UGT2B28: variants seen among roughly 807,000 people sequenced by gnomAD.
The protein encoded by UGT2B28 is UDP glucuronosyltransferase family 2 member B28.
UGT2B28 carries 45 observed loss-of-function variants against 43.6 expected under a neutral mutation model. That is an observed-to-expected ratio of 1.03 (90% confidence interval 0.81 to 1.32). The LOEUF is 1.32. UGT2B28 is among the 40% of genes most tolerant of loss of function. The pLI is 0.00. For synonymous variants in UGT2B28, 204 were observed against 208.1 expected, an observed-to-expected ratio of 0.98 and a Z score of 0.17; for missense variants, 649 against 625.5, an observed-to-expected ratio of 1.04 and a Z score of -0.40.
At chr4:69,283,429 A>G (rs1723679896) in intron 2 of UGT2B28, among the ~76,000 whole-genome samples, 2 of 140,414 alleles carry the variant, frequency 1.4e-5, no homozygotes, top group Non-Finnish European at 1.5e-5. Flanking sequence ...TTTTTTAAGA[A>G]GAGCCTCCAA....
chr4:69,294,833 A>G lies in UGT2B28; in HGVS notation c.*24A>G. On this transcript the variant is annotated 3_prime_UTR_variant, in exon 6 of 6. Coordinates refer to ENST00000335568, the MANE Select transcript of UGT2B28 (RefSeq NM_053039.2). ...AGTTATGTCTGACATTTGAAGCTGG[A>G]AAACCAGATAGATGGGTTGACATCA... The G allele has an allele frequency of 1.3e-6, 2 of 1,529,406 alleles. No homozygotes were observed. The highest frequency in any genetic ancestry group is 1.8e-6 in the Non-Finnish European group (2 of 1,141,454). The allele number at this position is 1,529,406 out of a possible 1,614,324, so 94.7% of individuals were successfully genotyped here.
intron 2 of UGT2B28, among the ~76,000 whole-genome samples, chr4:69,285,416 A>G (rs1723743215): frequency 7.2e-6 from 1 of 139,656 alleles, no homozygotes; most frequent in Non-Finnish European, 1.5e-5. Flanking sequence ...CAGAGGTTAG[A>G]TTCCTTCAAC....
chr4:69,294,790 A>T lies in UGT2B28; in HGVS notation c.1571A>T (p.Lys524Met), dbSNP rs1724057084. Residue 524 changes from lysine (K) to methionine (M), a missense_variant, in exon 6 of 6, where the codon AAG becomes ATG. Physicochemically the swap from Lys to Met is moderately conservative, Grantham distance 95 (BLOSUM62 -1). Transcript: ENST00000335568. ...FCFWKFARKG[K>M]KGKRD The stretch of plus-strand genomic sequence containing the variant: ...TTCTGGAAGTTTGCTAGAAAAGGGA[A>T]GAAGGGAAAAAGAGATTAGTTATGT... 1 of 1,557,906 alleles carries T rather than the reference A, an allele frequency of 6.4e-7. No individual in the cohort carries two copies. The highest frequency in any genetic ancestry group is 1.5e-5 in the African/African-American group (1 of 66,270).
In UGT2B28 at chr4:69,280,806, AG is replaced by A. The variant is rs1334415444; in HGVS notation, c.307del (p.Asp103IlefsTer28). ...QVKRWSDIQK[D>X]SFWLYFSQEQ... is the part of the protein sequence containing the mutation. The stretch of plus-strand genomic sequence containing the variant: ...TTAAGAGATGGTCAGACATTCAAAA[AG>A]ATAGCTTTTGGTTATATTTTTCACA... On this transcript the variant is annotated frameshift_variant, in exon 1 of 6. Coordinates refer to ENST00000335568, the MANE Select transcript of UGT2B28 (RefSeq NM_053039.2). LOFTEE classifies it high-confidence loss of function. The A allele has an allele frequency of 6.4e-7, 1 of 1,568,068 alleles. No individual in the cohort carries two copies. Among genetic ancestry groups the A allele is most frequent in the African/African-American group, 1.5e-5 (1 of 67,190 alleles).
At chr4:69,281,619 A>G (rs1421365144) in intron 1 of UGT2B28, among the ~76,000 whole-genome samples, 1 of 140,940 alleles carries the variant, frequency 7.1e-6, no homozygotes, top group Admixed American at 7.1e-5. Flanking sequence ...TAACTGCAGA[A>G]AGTTTTCCTT....
At chr4:69,293,214 G>T (rs10008843) in intron 5 of UGT2B28, among the ~76,000 whole-genome samples, 101,987 of 137,854 alleles carry the variant, frequency 0.74, 42,010 homozygotes, top group Non-Finnish European at 0.79. Context: ...CTAATGTTGT[G>T]ATTCGAAGTC....
Position 69,294,591 on chromosome 4 carries a change from C to T in UGT2B28, c.1372C>T (p.His458Tyr). 1 of 1,554,830 alleles carries T rather than the reference C, an allele frequency of 6.4e-7. No individual in the cohort carries two copies. Among genetic ancestry groups the T allele is most frequent in the East Asian group, 2.3e-5 (1 of 43,446 alleles). ...IQHDQPVKPL[H>Y]RAVFWIEFVM... ...ACATGATCAACCAGTAAAGCCCCTG[C>T]ATCGAGCAGTCTTCTGGATTGAATT... The change falls in exon 6 of 6, where the codon CAT becomes TAT. Residue 458 changes from histidine to tyrosine, a missense_variant. His to Tyr is a moderately conservative substitution (Grantham distance 83, BLOSUM62 2). Transcript: ENST00000335568.
rs1723726266 is a variant in UGT2B28 at position 69,284,930 on chromosome 4, A to G, written c.871-1822A>G. The stretch of plus-strand genomic sequence containing the variant: ...ATATATTCACGTGAAATCATAAAAA[A>G]ATCAAGTTGTACCTATTAAACATTA... On this transcript the variant is annotated intron_variant, in intron 2 of 5. Transcript: ENST00000335568. Among the ~76,000 whole-genome samples the G allele has an allele frequency of 1.4e-5, 2 of 140,484 alleles. 1 individual carries two copies. Among genetic ancestry groups the G allele is most frequent in the Non-Finnish European group, 3.0e-5 (2 of 65,766 alleles). 92.2% of individuals were successfully genotyped at this position (140,484 alleles called of 152,430 possible). A position where few individuals can be genotyped will look rare whatever the true frequency, so the allele number is the denominator to read the frequency against.
At position 69,294,695 on chromosome 4, in the gene UGT2B28, T is replaced by A. The variant is rs559568989; in HGVS notation, c.1476T>A (p.Asp492Glu). The change falls in exon 6 of 6, where the codon GAT (aspartate) becomes GAA (glutamate). Residue 492 changes from aspartate to glutamate, a missense_variant. Transcript: ENST00000335568. ...CCTGGTTCCAGTACCACTCTTTGGA[T>A]GTGATTGGGTTTCTGCTGGCCTGTG... The part of the protein sequence containing the change: ...DLTWFQYHSL[D>E]VIGFLLACVA... 6.4e-7 allele frequency: 1 copy of A among 1,560,014 alleles called. No individual in the cohort carries two copies. The highest frequency in any genetic ancestry group is 8.7e-7 in the Non-Finnish European group (1 of 1,155,452).
rs757858600 is a variant in UGT2B28, at chr4:69,294,857, C to T, written c.*48C>T. 1 of 1,449,166 alleles carries T rather than the reference C, an allele frequency of 6.9e-7. No homozygotes were observed. Among genetic ancestry groups the T allele is most frequent in the Non-Finnish European group, 9.1e-7 (1 of 1,101,026 alleles). The allele number at this position is 1,449,166 out of a possible 1,614,324, so 89.8% of individuals were successfully genotyped here. On this transcript the variant is annotated 3_prime_UTR_variant, in exon 6 of 6. Coordinates refer to ENST00000335568, the MANE Select transcript of UGT2B28 (RefSeq NM_053039.2). ...GAAAACCAGATAGATGGGTTGACAT[C>T]AGTTTATTCCAGCAAGAAAGAAAAG... is the stretch of plus-strand genomic sequence containing the variant.
At chr4:69,290,529 C>A in intron 4 of UGT2B28, 63 bp from the exon 5 acceptor site, 1 of 1,520,950 alleles carries the variant, frequency 6.6e-7, no homozygotes, top group Non-Finnish European at 8.9e-7. Flanking sequence ...ACTTTCAGAG[C>A]ATTTCATTGT....
At chr4:69,282,239 A>G (rs1163676184) in intron 1 of UGT2B28, among the ~76,000 whole-genome samples, 1 of 140,112 alleles carries the variant, frequency 7.1e-6, no homozygotes, top group Non-Finnish European at 1.5e-5. Flanking sequence ...ATTTTCTATG[A>G]CTTATTTTAA....
At chr4:69,287,051 T>G (rs1723799720) in intron 3 of UGT2B28, among the ~76,000 whole-genome samples, 168 bp downstream of exon 3, 1 of 138,800 alleles carries the variant, frequency 7.2e-6, no homozygotes, top group African/African-American at 2.8e-5. Context: ...TGCCTCAGAC[T>G]TAGTGGTTAC....
rs1431915066 is a variant in UGT2B28, at chr4:69,282,052, C to CA, written c.722-462_722-461insA. Among the ~76,000 whole-genome samples the CA allele has an allele frequency of 2.9e-5, 4 of 139,576 alleles. No individual in the cohort carries two copies. In the East Asian group the frequency reaches 8.1e-4, roughly 28 times the overall value. 91.6% of individuals were successfully genotyped at this position (139,576 alleles called of 152,430 possible). ...TTTCTGCCATACTCTCAAAATAGTCCGAGTTCACTTGAAGAACCAAAGATA... is the reference window on the plus strand; with the variant it reads ...TTTCTGCCATACTCTCAAAATAGTCCAGAGTTCACTTGAAGAACCAAAGATA... On this transcript the variant is annotated intron_variant, in intron 1 of 5. Coordinates refer to ENST00000335568, the MANE Select transcript of UGT2B28 (RefSeq NM_053039.2).
Position 69,281,238 on chromosome 4 carries a change from T to C in UGT2B28, c.721+17T>C. On this transcript the variant is annotated intron_variant, in intron 1 of 5. Coordinates refer to ENST00000335568, the MANE Select transcript of UGT2B28 (RefSeq NM_053039.2). The stretch of plus-strand genomic sequence containing the variant: ...AAGTTTTAGGTAAGAATTTGTTTAA[T>C]CGGGAACTTGAAGATCTAACTTATT... 6.8e-7 allele frequency: 1 copy of C among 1,478,240 alleles called. No homozygotes were observed. The highest frequency in any genetic ancestry group is 8.9e-7 in the Non-Finnish European group (1 of 1,119,578). 91.6% of individuals were successfully genotyped at this position (1,478,240 alleles called of 1,614,324 possible).
At position 69,284,993 on chromosome 4, in the gene UGT2B28, G is replaced by A. The variant is rs1403894210; in HGVS notation, c.871-1759G>A. On this transcript the variant is annotated intron_variant, in intron 2 of 5. Transcript: ENST00000335568. ...ACAAAATTAACATTAGAATTAATCCGACATCTTACATGAAAGAATGATTAA... is the reference window on the plus strand; with the variant it reads ...ACAAAATTAACATTAGAATTAATCCAACATCTTACATGAAAGAATGATTAA... Among the ~76,000 whole-genome samples, 25 of 139,388 alleles carry A rather than the reference G, an allele frequency of 1.8e-4. 3 individuals carry two copies. Among genetic ancestry groups the A allele is most frequent in the African/African-American group, 3.4e-4 (12 of 35,646 alleles). 91.4% of individuals were successfully genotyped at this position (139,388 alleles called of 152,430 possible).
Position 69,280,803 on chromosome 4 carries a change from A to G in UGT2B28, c.303A>G (p.Gln101=), listed in dbSNP as rs753304842. The change falls in exon 1 of 6, where the codon CAA becomes CAG. Residue 101 remains glutamine, a synonymous_variant. Coordinates refer to ENST00000335568, the MANE Select transcript of UGT2B28 (RefSeq NM_053039.2). ...AGGTTAAGAGATGGTCAGACATTCAAAAAGATAGCTTTTGGTTATATTTTT... is the reference window on the plus strand; with the variant it reads ...AGGTTAAGAGATGGTCAGACATTCAGAAAGATAGCTTTTGGTTATATTTTT... ...MQQVKRWSDI[Q]KDSFWLYFSQ... 6.4e-7 allele frequency: 1 copy of G among 1,568,502 alleles called. No homozygotes were observed. The highest frequency in any genetic ancestry group is 2.3e-5 in the East Asian group (1 of 43,658).
At position 69,285,871 on chromosome 4, in the gene UGT2B28, T is replaced by C. The variant is rs1723759798; in HGVS notation, c.871-881T>C. 2.1e-5 allele frequency among the ~76,000 whole-genome samples: 3 copies of C among 141,032 alleles called. 1 individual carries two copies. Among genetic ancestry groups the C allele is most frequent in the Admixed American group, 1.4e-4 (2 of 14,138 alleles). 92.5% of individuals were successfully genotyped at this position (141,032 alleles called of 152,430 possible). The stretch of plus-strand genomic sequence containing the variant: ...CCTGCAGAAAGGCCTGGTGGCCTCT[T>C]CTATTCTGGTGCCAGTGCTGCCTCT... On this transcript the variant is annotated intron_variant, in intron 2 of 5. Transcript: ENST00000335568.
chr4:69,290,488 T>G, intron 4 of UGT2B28, 104 bp from the exon 5 acceptor site: 1 of 1,390,126 alleles, frequency 7.2e-7, no homozygotes, highest in Non-Finnish European at 9.7e-7. Flanking sequence ...AATGGCAAAT[T>G]AGTTTAATGT....
Sources: allele counts gnomAD v4.1 joint callset (sites outside exome capture counted in the v4.1 genomes callset), GRCh38; gene constraint gnomAD v4.1.1; transcripts MANE v1.5; gene names NCBI Gene and HGNC (gene_info 2026-07-23, HGNC 2026-07-21).